Variants in PCDH15 observed in about 807,000 individuals in gnomAD.
PCDH15 encodes the protein protocadherin-15.
Under a neutral mutation model 178.5 loss-of-function variants are expected in PCDH15, and 129 were observed. The observed-to-expected ratio is 0.72, with a 90% CI of 0.63 to 0.84. The LOEUF is 0.84. Ranked by LOEUF, PCDH15 falls within the 40% of genes least tolerant of loss-of-function variation. The probability of loss-of-function intolerance (pLI) is 0.00; values close to 1 mark genes in which losing one functional copy is unlikely to be tolerated. For missense variants in PCDH15, 2,230 were observed against 2,099.9 expected, an observed-to-expected ratio of 1.06 and a Z score of -1.21; for synonymous variants, 800 against 732.0, an observed-to-expected ratio of 1.09 and a Z score of -1.50.
intron 21 of PCDH15, among the ~76,000 whole-genome samples, chr10:53,974,711 GT>G (rs2090045411): frequency 2.0e-5 from 3 of 151,692 alleles, no homozygotes; most frequent in Admixed American, 2.0e-4. Flanking sequence ...TAGCTGATTC[GT>G]TTACCTATTC....
chr10:55,503,653 T>A (rs1473882840), intron 2 of PCDH15, among the ~76,000 whole-genome samples: 1 of 151,182 alleles, frequency 6.6e-6, no homozygotes, highest in Non-Finnish European at 1.5e-5. Context: ...AAAAAGATAA[T>A]CAGATAATAA....
At chr10:54,049,492 T>C (rs2093721715) in intron 18 of PCDH15, among the ~76,000 whole-genome samples, 1 of 152,222 alleles carries the variant, frequency 6.6e-6, no homozygotes, top group Admixed American at 6.5e-5. Context: ...CAGTATGATG[T>C]TGGCTGTGGA....
intron 3 of PCDH15, among the ~76,000 whole-genome samples, chr10:54,417,364 G>A (rs74136144): frequency 0.021 from 3,249 of 152,116 alleles, 105 homozygotes; most frequent in African/African-American, 0.074. Context: ...TCTTAGTCTA[G>A]CATAAATGAC....
chr10:54,343,570 A>C (rs1478534577), intron 6 of PCDH15, among the ~76,000 whole-genome samples: 1 of 150,024 alleles, frequency 6.7e-6, no homozygotes, highest in Admixed American at 6.7e-5. Context: ...TTATTCCCAA[A>C]CTTGTTGCTT....
At chr10:54,583,351 G>C (rs1286998006) in intron 2 of PCDH15, among the ~76,000 whole-genome samples, 2 of 151,960 alleles carry the variant, frequency 1.3e-5, no homozygotes, top group Admixed American at 6.6e-5. Flanking sequence ...GTGCTACTTG[G>C]ATAATTGTTA....
At chr10:54,824,006 G>A (rs1052026387) in intron 3 of PCDH15, among the ~76,000 whole-genome samples, 1 of 152,016 alleles carries the variant, frequency 6.6e-6, no homozygotes, top group Non-Finnish European at 1.5e-5. Context: ...TCAAGCCCTG[G>A]CATTTTCCTG....
chr10:53,862,755 C>T (rs2079183128), intron 27 of PCDH15, among the ~76,000 whole-genome samples: 1 of 152,154 alleles, frequency 6.6e-6, no homozygotes, highest in Non-Finnish European at 1.5e-5. Flanking sequence ...AAAAAAGCAG[C>T]TTGTTCAGCT....
intron 17 of PCDH15, among the ~76,000 whole-genome samples, chr10:54,067,160 G>A (rs1311221105): frequency 6.6e-6 from 1 of 152,132 alleles, no homozygotes; most frequent in Non-Finnish European, 1.5e-5. Flanking sequence ...GAGGAAAACG[G>A]TTTTACCTTT....
At chr10:55,412,427 G>A (rs1160872865) in intron 2 of PCDH15, among the ~76,000 whole-genome samples, 1 of 151,970 alleles carries the variant, frequency 6.6e-6, no homozygotes, top group East Asian at 1.9e-4. Context: ...ACAAAAGCAT[G>A]CCTGCATATG....
chr10:54,448,298 A>T (rs1411753762), intron 3 of PCDH15, among the ~76,000 whole-genome samples: 1 of 151,762 alleles, frequency 6.6e-6, no homozygotes, highest in Non-Finnish European at 1.5e-5. Context: ...GAGCTGTGAC[A>T]TGCCCAAAGG....
At position 54,705,858 on chromosome 10, in the gene PCDH15, G is replaced by A. The variant is rs551649001; in HGVS notation, c.-28-41568C>T. Among the ~76,000 whole-genome samples, 28 of 152,236 alleles carry A rather than the reference G, an allele frequency of 1.8e-4. 2 individuals are homozygous for A. The South Asian group carries it at 5.8e-3, about 32-fold the overall frequency. Reference sequence around the variant, plus strand: ...TTTACTCAAATTATAGGTGATTATAGACAGGTATCTGATGATGGATTTTTT... The same window carrying A: ...TTTACTCAAATTATAGGTGATTATAAACAGGTATCTGATGATGGATTTTTT... On this transcript the variant is annotated intron_variant, in intron 1 of 37. Coordinates refer to ENST00000644397, the MANE Select transcript of PCDH15 (RefSeq NM_001384140.1).
intron 20 of PCDH15, among the ~76,000 whole-genome samples, chr10:53,998,640 A>G (rs2091969979): frequency 6.6e-6 from 1 of 152,208 alleles, no homozygotes; most frequent in Admixed American, 6.5e-5. Flanking sequence ...AAAAATAAAG[A>G]GAAAAAGATG....
intron 1 of PCDH15, among the ~76,000 whole-genome samples, chr10:54,701,672 A>C (rs1225414071): frequency 6.6e-6 from 1 of 152,154 alleles, no homozygotes; most frequent in Non-Finnish European, 1.5e-5. Context: ...AAGAAAAAAC[A>C]GAGTTTAAAC....
intron 2 of PCDH15, among the ~76,000 whole-genome samples, chr10:55,461,595 G>C (rs372777440): frequency 6.6e-6 from 1 of 151,990 alleles, no homozygotes; most frequent in East Asian, 1.9e-4. Flanking sequence ...ACCATTCATA[G>C]TTAACATTGA....
chr10:54,491,478 T>G (rs2079588302), intron 3 of PCDH15, among the ~76,000 whole-genome samples: 2 of 152,114 alleles, frequency 1.3e-5, no homozygotes. Flanking sequence ...CAAAACTACA[T>G]TACCTTGTAA....
At position 53,885,782 on chromosome 10, in the gene PCDH15, G is replaced by A. The variant is rs183842693; in HGVS notation, c.3501+17461C>T. ...GAAAAGTTATATTGAGTATTCCTCA[G>A]TGGAATAATATTTTCATGTAAATAA... On this transcript the variant is annotated intron_variant, in intron 26 of 37. Transcript: ENST00000644397. Among the ~76,000 whole-genome samples, 30 of 152,208 alleles carry A rather than the reference G, an allele frequency of 2.0e-4. No homozygotes were observed. The East Asian group carries it at 5.6e-3, about 28-fold the overall frequency.
At chr10:54,908,424 G>C (rs1483676462) in intron 2 of PCDH15, among the ~76,000 whole-genome samples, 1 of 152,134 alleles carries the variant, frequency 6.6e-6, no homozygotes, top group African/African-American at 2.4e-5. Flanking sequence ...GAACTGCAGA[G>C]CCCTAAATAG....
chr10:55,289,283 T>G (rs1309067120), intron 1 of PCDH15, among the ~76,000 whole-genome samples: 1 of 151,960 alleles, frequency 6.6e-6, no homozygotes, highest in African/African-American at 2.4e-5. Flanking sequence ...CATTTTATGT[T>G]TATGAGAAAT....
chr10:54,567,842 G>A (rs1458983351), intron 2 of PCDH15, among the ~76,000 whole-genome samples: 1 of 152,176 alleles, frequency 6.6e-6, no homozygotes, highest in African/African-American at 2.4e-5. Context: ...AGAAGTCACA[G>A]AGTTACATCA....
Sources: gnomAD v4.1 joint callset for allele counts (sites outside exome capture counted in the v4.1 genomes callset) on GRCh38, gnomAD v4.1.1 for gene constraint, MANE v1.5 for transcripts, NCBI Gene and HGNC (gene_info 2026-07-23, HGNC 2026-07-21) for gene names.